Variants in MED12L observed in about 807,000 individuals in gnomAD.
MED12L encodes the protein mediator complex subunit 12L.
Under a neutral mutation model 281.3 loss-of-function variants are expected in MED12L, and 60 were observed. The observed-to-expected ratio is 0.21, with a 90% confidence interval of 0.17 to 0.26. The LOEUF is 0.26. Among genes scored for constraint, MED12L ranks in the 10% least tolerant of loss-of-function variants. The pLI, the probability that MED12L is intolerant of heterozygous loss-of-function variation, is 1.00. For synonymous variants in MED12L, 974 were observed against 987.2 expected, an observed-to-expected ratio of 0.99 and a Z score of 0.25; for missense variants, 2,146 against 2,680.9, an observed-to-expected ratio of 0.80 and a Z score of 4.41.
chr3:151,176,111 A>C (rs1248270270), intron 11 of MED12L, among the ~76,000 whole-genome samples: 2 of 152,190 alleles, frequency 1.3e-5, no homozygotes, highest in African/African-American at 4.8e-5. Flanking sequence ...CCCTGCCCAG[A>C]CAGGAGGTAT....
At chr3:151,125,453 GT>G (rs2148790602) in intron 4 of MED12L, among the ~76,000 whole-genome samples, 1 of 152,314 alleles carries the variant, frequency 6.6e-6, no homozygotes, top group Non-Finnish European at 1.5e-5. Flanking sequence ...AAATTCAGAT[GT>G]TTTATTTTTT....
rs763351476 is a variant in MED12L at position 151,387,795 on chromosome 3, G to A, written c.5089-15G>A. 8.8e-6 allele frequency: 14 copies of A among 1,598,492 alleles called. No individual in the cohort carries two copies. Among genetic ancestry groups the A allele is most frequent in the East Asian group, 6.7e-5 (3 of 44,696 alleles). Reference sequence around the variant, plus strand: ...AGATCTGAGTGTGCTATCTTAGAGCGCTATTTTCCCACAGGGTCTCCAGGT... The same window carrying A: ...AGATCTGAGTGTGCTATCTTAGAGCACTATTTTCCCACAGGGTCTCCAGGT... On this transcript the variant is annotated splice_polypyrimidine_tract_variant and intron_variant, in intron 36 of 44. Transcript: ENST00000687756.
intron 39 of MED12L, among the ~76,000 whole-genome samples, chr3:151,402,046 G>T (rs917467357): frequency 1.3e-5 from 2 of 152,178 alleles, no homozygotes; most frequent in African/African-American, 4.8e-5. Flanking sequence ...ATGGCAGCTG[G>T]ATCTAAAGAC....
At chr3:151,095,128 G>A (rs980644607) in intron 2 of MED12L, among the ~76,000 whole-genome samples, 2 of 152,200 alleles carry the variant, frequency 1.3e-5, no homozygotes, top group Non-Finnish European at 2.9e-5. Flanking sequence ...ATGTGAAGTA[G>A]CATTGTAAAC....
intron 11 of MED12L, among the ~76,000 whole-genome samples, chr3:151,182,689 T>G (rs1344745680): frequency 6.6e-6 from 1 of 152,168 alleles, no homozygotes; most frequent in African/African-American, 2.4e-5. Context: ...AGAAGGACTC[T>G]CAGCTTTCTG....
At chr3:151,119,562 A>G (rs1713417289) in intron 3 of MED12L, among the ~76,000 whole-genome samples, 1 of 152,174 alleles carries the variant, frequency 6.6e-6, no homozygotes, top group Non-Finnish European at 1.5e-5. Flanking sequence ...TTAAGGCCCT[A>G]TCTCCAAATA....
intron 16 of MED12L, among the ~76,000 whole-genome samples, chr3:151,246,817 A>G (rs1165108762): frequency 1.3e-5 from 2 of 152,236 alleles, no homozygotes; most frequent in African/African-American, 2.4e-5. Context: ...AGATACTACC[A>G]TCAGAGTGAA....
chr3:151,239,557 C>T (rs7632688), intron 16 of MED12L, among the ~76,000 whole-genome samples: 3,924 of 152,172 alleles, frequency 0.026, 158 homozygotes, highest in African/African-American at 0.091. Context: ...AAATATTTTT[C>T]ATAAAAATGT....
intron 16 of MED12L, among the ~76,000 whole-genome samples, chr3:151,206,236 T>A (rs1726339764): frequency 6.6e-6 from 1 of 152,150 alleles, no homozygotes; most frequent in African/African-American, 2.4e-5. Context: ...TCCATGTTAC[T>A]GTTTCTGTAT....
intron 43 of MED12L, among the ~76,000 whole-genome samples, chr3:151,420,073 C>G (rs1194578194): frequency 6.6e-6 from 1 of 152,136 alleles, no homozygotes; most frequent in Non-Finnish European, 1.5e-5. Context: ...TTGAGTGACC[C>G]AAAGCATTCC....
At chr3:151,266,260 ATCT>A (rs752457469) in intron 16 of MED12L, among the ~76,000 whole-genome samples, 3 of 152,222 alleles carry the variant, frequency 2.0e-5, no homozygotes, top group African/African-American at 4.8e-5. Flanking sequence ...GGTATTCAAC[ATCT>A]TCTATTAAAA....
intron 11 of MED12L, among the ~76,000 whole-genome samples, chr3:151,184,318 G>A (rs1365560523): frequency 6.6e-6 from 1 of 152,196 alleles, no homozygotes; most frequent in Non-Finnish European, 1.5e-5. Context: ...AATGTGCTAA[G>A]TTCATGCATG....
At chr3:151,087,067 C>G (rs745837777) in intron 2 of MED12L, 42 bp downstream of exon 2, 1 of 1,508,078 alleles carries the variant, frequency 6.6e-7, no homozygotes, top group South Asian at 1.2e-5. Context: ...GGGCCGCGCT[C>G]TGCAGCACTG....
chr3:151,253,272 C>A (rs919998718), intron 16 of MED12L, among the ~76,000 whole-genome samples: 1 of 152,164 alleles, frequency 6.6e-6, no homozygotes, highest in Non-Finnish European at 1.5e-5. Flanking sequence ...TTGAGAGGCA[C>A]GTATACTGCA....
At chr3:151,152,485 G>T (rs1169687424) in intron 5 of MED12L, among the ~76,000 whole-genome samples, 1 of 152,204 alleles carries the variant, frequency 6.6e-6, no homozygotes, top group East Asian at 1.9e-4. Context: ...ATTAATCATG[G>T]GGTGTTAACT....
chr3:151,316,432 G>A (rs1748249797), intron 16 of MED12L: 2 of 152,144 alleles, frequency 1.3e-5, no homozygotes, highest in South Asian at 2.1e-4. Context: ...GAAGCTTCAT[G>A]GCTCACAGTG....
intron 32 of MED12L, among the ~76,000 whole-genome samples, chr3:151,380,487 C>T (rs186284049): frequency 1.5e-3 from 233 of 151,656 alleles, no homozygotes; most frequent in Non-Finnish European, 2.9e-3. Context: ...ATCCCAGCTA[C>T]TCGGGAGGCC....
rs548720826 is a variant in MED12L at position 151,349,125 on chromosome 3, T to A, written c.2251-934T>A. ...TTATAAGATCCAAGAGAGAAATTGC[T>A]ATAGAAAGATTCAGAGCCAGGCACA... On this transcript the variant is annotated intron_variant, in intron 16 of 44. Coordinates refer to ENST00000687756, the MANE Select transcript of MED12L (RefSeq NM_001393769.1). Among the ~76,000 whole-genome samples the A allele has an allele frequency of 2.0e-5, 3 of 152,374 alleles. No individual in the cohort carries two copies. The South Asian group carries it at 6.2e-4, about 32-fold the overall frequency.
At chr3:151,226,463 A>G (rs1730512576) in intron 16 of MED12L, among the ~76,000 whole-genome samples, 1 of 152,238 alleles carries the variant, frequency 6.6e-6, no homozygotes, top group South Asian at 2.1e-4. Context: ...ACATAGCCAG[A>G]CAGTATTCAA....
Sources: gnomAD v4.1 joint callset for allele counts (sites outside exome capture counted in the v4.1 genomes callset) on GRCh38, gnomAD v4.1.1 for gene constraint, MANE v1.5 for transcripts, NCBI Gene and HGNC (gene_info 2026-07-23, HGNC 2026-07-21) for gene names.